Variants in NAGLU observed in about 807,000 individuals in gnomAD.
NAGLU encodes N-acetyl-alpha-glucosaminidase, also known as alpha-N-acetylglucosaminidase.
NAGLU carries 34 observed loss-of-function variants against 43.4 expected under a neutral mutation model. The observed-to-expected ratio is 0.78, with a 90% confidence interval of 0.60 to 1.04. The LOEUF is 1.04. NAGLU is among the 50% of genes least tolerant of loss of function. The pLI, the probability that NAGLU is intolerant of heterozygous loss-of-function variation, is 0.00. For missense variants in NAGLU, 910 were observed against 993.7 expected, an observed-to-expected ratio of 0.92 and a Z score of 1.13; for synonymous variants, 425 against 437.6, an observed-to-expected ratio of 0.97 and a Z score of 0.36.
rs1021204618 is a variant in NAGLU at position 42,536,353 on chromosome 17, G to C, written c.81G>C (p.Arg27=). The C allele has an allele frequency of 8.3e-6, 10 of 1,201,208 alleles. No homozygotes were observed. The highest frequency in any genetic ancestry group is 1.0e-5 in the Non-Finnish European group (10 of 969,056). The allele number at this position is 1,201,208 out of a possible 1,614,324, so 74.4% of individuals were successfully genotyped here. A position where few individuals can be genotyped will look rare whatever the true frequency, so the allele number is the denominator to read the frequency against. Residue 27 remains arginine (R), a synonymous_variant, in exon 1 of 6, where the codon CGG becomes CGC. Coordinates refer to ENST00000225927, the MANE Select transcript of NAGLU (RefSeq NM_000263.4). Reference sequence around the variant, plus strand: ...GGGGCGCGGCAGGCGACGAGGCCCGGGAGGCGGCGGCCGTGCGGGCGCTCG... The same window carrying C: ...GGGGCGCGGCAGGCGACGAGGCCCGCGAGGCGGCGGCCGTGCGGGCGCTCG... ...GAGGAAGDEA[R]EAAAVRALVA... is the part of the protein sequence containing the mutation.
At chr17:42,537,325 G>T in intron 1 of NAGLU, 73 bp from the exon 2 acceptor site, 1 of 1,608,316 alleles carries the variant, frequency 6.2e-7, no homozygotes, top group Non-Finnish European at 8.5e-7. Context: ...TCTAGGTGGG[G>T]GATGGGGGAT....
chr17:42,540,968 T>C lies in NAGLU; in HGVS notation c.783T>C (p.Asn261=), dbSNP rs1275689779. ...EAVTRVFPQV[N]VTKMGSWGHF... ...CCACTAGGGTGTTCCCTCAGGTCAA[T>C]GTCACGAAGATGGGCAGTTGGGGCC... is the stretch of plus-strand genomic sequence containing the variant. Residue 261 remains asparagine, a synonymous_variant, in exon 5 of 6, where the codon AAT becomes AAC. Coordinates refer to ENST00000225927, the MANE Select transcript of NAGLU (RefSeq NM_000263.4). 6 of 1,614,078 alleles carry C rather than the reference T, an allele frequency of 3.7e-6. No individual in the cohort carries two copies. The Middle Eastern group carries it at 4.9e-4, about 133-fold the overall frequency.
At position 42,537,394 on chromosome 17, in the gene NAGLU, G is replaced by A. The variant is rs763057510; in HGVS notation, c.384-4G>A. 1.2e-6 allele frequency: 2 copies of A among 1,614,088 alleles called. No homozygotes were observed. Among genetic ancestry groups the A allele is most frequent in the South Asian group, 1.1e-5 (1 of 91,088 alleles). ...TGCGCCCCTGCTCATGACACTGCCC[G>A]CAGGTACCGCTATTACCAGAATGTG... On this transcript the variant is annotated splice_polypyrimidine_tract_variant and splice_region_variant and intron_variant, in intron 1 of 5. Coordinates refer to ENST00000225927, the MANE Select transcript of NAGLU (RefSeq NM_000263.4).
intron 4 of NAGLU, among the ~76,000 whole-genome samples, chr17:42,540,697 A>G (rs1223059096): frequency 3.4e-5 from 5 of 145,984 alleles, no homozygotes; most frequent in Admixed American, 6.8e-5. Flanking sequence ...CTCTGCCTCA[A>G]AAAAAAAAAA....
In NAGLU at chr17:42,537,411, C is replaced by T; in HGVS notation, c.397C>T (p.Gln133Ter). The change falls in exon 2 of 6, where the codon CAG becomes TAG. Residue 133 changes from glutamine (Q) to a stop codon, truncating the protein, a stop_gained. Coordinates refer to ENST00000225927, the MANE Select transcript of NAGLU (RefSeq NM_000263.4). LOFTEE classifies it high-confidence loss of function. ...CACTGCCCGCAGGTACCGCTATTAC[C>T]AGAATGTGTGCACGCAAAGCTACTC... Reference protein sequence around the residue: ...EATPNRYRYYQNVCTQSYSFV... With the variant: ...EATPNRYRYY 6.2e-7 allele frequency: 1 copy of T among 1,614,220 alleles called. No individual in the cohort carries two copies. The highest frequency in any genetic ancestry group is 1.3e-5 in the African/African-American group (1 of 75,068).
intron 5 of NAGLU, 42 bp downstream of exon 5, chr17:42,541,248 A>C: frequency 6.2e-7 from 1 of 1,607,262 alleles, no homozygotes; most frequent in South Asian, 1.1e-5. Context: ...CCAGACCCTC[A>C]AAAAGAAGGG....
chr17:42,536,684 C>T (rs1356746808), intron 1 of NAGLU, 29 bp downstream of exon 1: 4 of 1,444,116 alleles, frequency 2.8e-6, no homozygotes, highest in Non-Finnish European at 3.6e-6. Flanking sequence ...CCCGCGTCCG[C>T]CCGAGGCGCT....
rs781136102 is a variant in NAGLU at position 42,544,360 on chromosome 17, G to A, written c.*122G>A. 46 of 1,458,580 alleles carry A rather than the reference G, an allele frequency of 3.2e-5. No individual in the cohort carries two copies. Among genetic ancestry groups the A allele is most frequent in the Non-Finnish European group, 4.3e-5 (46 of 1,067,140 alleles). 90.4% of individuals were successfully genotyped at this position (1,458,580 alleles called of 1,614,324 possible). ...AGGAGGCCCCACGGCCTGCTGGTGG[G>A]GTCTGACCTGGGGGGATTGGAGGGA... On this transcript the variant is annotated 3_prime_UTR_variant, in exon 6 of 6. Coordinates refer to ENST00000225927, the MANE Select transcript of NAGLU (RefSeq NM_000263.4).
At chr17:42,537,848 C>G (rs1599255405) in intron 2 of NAGLU, among the ~76,000 whole-genome samples, 2 of 146,282 alleles carry the variant, frequency 1.4e-5, no homozygotes, top group Non-Finnish European at 3.0e-5. Flanking sequence ...GGCAACAGAG[C>G]GAGACTCTGT....
chr17:42,541,156 C>T lies in NAGLU; in HGVS notation c.971C>T (p.Pro324Leu). The T allele has an allele frequency of 6.2e-7, 1 of 1,613,802 alleles. No homozygotes were observed. Among genetic ancestry groups the T allele is most frequent in the Admixed American group, 1.7e-5 (1 of 60,014 alleles). ...GAGATGCAGCCACCTTCCTCAGAGC[C>T]CTCCTACCTTGCCGCAGCCACCACT... The part of the protein sequence containing the change: ...FNEMQPPSSE[P>L]SYLAAATTAV... The change falls in exon 5 of 6, where the codon CCC becomes CTC. Residue 324 changes from proline (P) to leucine (L), a missense_variant. By Grantham distance (98) the Pro-to-Leu change is moderately conservative (BLOSUM62 -3). Coordinates refer to ENST00000225927, the MANE Select transcript of NAGLU (RefSeq NM_000263.4).
At chr17:42,540,095 CAG>C (rs1240396713) in intron 4 of NAGLU, among the ~76,000 whole-genome samples, 1 of 126,676 alleles carries the variant, frequency 7.9e-6, no homozygotes, top group Non-Finnish European at 1.6e-5. Context: ...GCCTGGGTGA[CAG>C]AGTGAGACTC....
Position 42,543,690 on chromosome 17 carries a change from G to T in NAGLU, c.1684G>T (p.Asp562Tyr). 3 of 1,612,812 alleles carry T rather than the reference G, an allele frequency of 1.9e-6. No homozygotes were observed. Among genetic ancestry groups the T allele is most frequent in the Non-Finnish European group, 1.7e-6 (2 of 1,180,000 alleles). The change falls in exon 6 of 6, where the codon GAC becomes TAC. Residue 562 changes from aspartate to tyrosine, a missense_variant. Transcript: ENST00000225927. ...CCCCGCCTTCCGCTACGACCTGCTG[G>T]ACCTCACTCGGCAGGCAGTGCAGGA... Reference protein sequence around the residue: ...TSPAFRYDLLDLTRQAVQELV... With the variant: ...TSPAFRYDLLYLTRQAVQELV...
In NAGLU at chr17:42,543,269, G is replaced by A; in HGVS notation, c.1263G>A (p.Glu421=). The change falls in exon 6 of 6, where the codon GAG becomes GAA. Residue 421 remains glutamate (E), a synonymous_variant. Transcript: ENST00000225927. The stretch of plus-strand genomic sequence containing the variant: ...ACCATGGTCTTTTTGGAGCCCTAGA[G>A]GCTGTGAACGGAGGCCCAGAAGCTG... The part of the protein sequence containing the change: ...GGNHGLFGAL[E]AVNGGPEAAR... 6.2e-7 allele frequency: 1 copy of A among 1,614,056 alleles called. No homozygotes were observed. Among genetic ancestry groups the A allele is most frequent in the East Asian group, 2.2e-5 (1 of 44,888 alleles).
chr17:42,544,394 G>A lies in NAGLU; in HGVS notation c.*156G>A. 9.3e-7 allele frequency: 1 copy of A among 1,078,096 alleles called. No individual in the cohort carries two copies. The highest frequency in any genetic ancestry group is 1.4e-6 in the Non-Finnish European group (1 of 737,452). 66.8% of individuals were successfully genotyped at this position (1,078,096 alleles called of 1,614,324 possible). A position where few individuals can be genotyped will look rare whatever the true frequency, so the allele number is the denominator to read the frequency against. Reference sequence around the variant, plus strand: ...TGGGGGGATTGGAGGGAAATGACCTGCCCTCCACCACCACCCAAAGTGTGG... The same window carrying A: ...TGGGGGGATTGGAGGGAAATGACCTACCCTCCACCACCACCCAAAGTGTGG... On this transcript the variant is annotated 3_prime_UTR_variant, in exon 6 of 6. Coordinates refer to ENST00000225927, the MANE Select transcript of NAGLU (RefSeq NM_000263.4).
chr17:42,540,661 A>C (rs1360007340), intron 4 of NAGLU, among the ~76,000 whole-genome samples: 2 of 149,028 alleles, frequency 1.3e-5, no homozygotes, highest in African/African-American at 2.5e-5. Flanking sequence ...GCGCCACTGC[A>C]CTCCAGCCTG....
intron 4 of NAGLU, 135 bp downstream of exon 4, chr17:42,538,890 G>T (rs1246666433): frequency 1.0e-5 from 10 of 1,002,780 alleles, no homozygotes; most frequent in Non-Finnish European, 1.5e-5. Flanking sequence ...GGGAGGCCGA[G>T]TTGGGCGGAT....
Position 42,538,325 on chromosome 17 carries a change from C to T in NAGLU, c.532-14C>T. The stretch of plus-strand genomic sequence containing the variant: ...AGATGAATATATTTCTATGTGTGGG[C>T]CCTTCTTCCTCAGGTGTACCTGGCC... On this transcript the variant is annotated splice_polypyrimidine_tract_variant and intron_variant, in intron 2 of 5. Coordinates refer to ENST00000225927, the MANE Select transcript of NAGLU (RefSeq NM_000263.4). The T allele has an allele frequency of 6.2e-7, 1 of 1,614,170 alleles. No individual in the cohort carries two copies. The highest frequency in any genetic ancestry group is 8.5e-7 in the Non-Finnish European group (1 of 1,180,004).
At position 42,543,110 on chromosome 17, in the gene NAGLU, T is replaced by C. The variant is rs2092925761; in HGVS notation, c.1104T>C (p.Ala368=). The C allele has an allele frequency of 6.2e-7, 1 of 1,612,956 alleles. No homozygotes were observed. The highest frequency in any genetic ancestry group is 1.3e-5 in the African/African-American group (1 of 74,958). Residue 368 remains alanine (A), a synonymous_variant, in exon 6 of 6, where the codon GCT becomes GCC. Transcript: ENST00000225927. ...TCTGGGGGCCCGCCCAGATCAGGGC[T>C]GTGCTGGGAGCTGTGCCCCGTGGCC... ...PQFWGPAQIR[A]VLGAVPRGRL...
chr17:42,539,664 G>A (rs988156273), intron 4 of NAGLU, among the ~76,000 whole-genome samples: 5 of 152,210 alleles, frequency 3.3e-5, no homozygotes, highest in East Asian at 3.8e-4. Context: ...CCTGGGAGGC[G>A]GCAAGAAAGG....
Sources: allele counts gnomAD v4.1 joint callset (sites outside exome capture counted in the v4.1 genomes callset), GRCh38; gene constraint gnomAD v4.1.1; transcripts MANE v1.5; gene names NCBI Gene and HGNC (gene_info 2026-07-23, HGNC 2026-07-21).